PCOLCE2: variants seen among roughly 807,000 people sequenced by gnomAD.
PCOLCE2 encodes the protein procollagen C-proteinase enhancer 2.
In PCOLCE2, 42 loss-of-function variants were observed where a neutral mutation model predicts 47.0. The observed-to-expected ratio is 0.89, with a 90% CI of 0.70 to 1.16. The LOEUF (loss-of-function observed/expected upper bound fraction) is 1.16, where lower values mean the gene tolerates loss of function less well. Among genes scored for constraint, PCOLCE2 ranks in the 50% most tolerant of loss-of-function variants. PCOLCE2 has a pLI of 0.00. For synonymous variants in PCOLCE2, 169 were observed against 191.7 expected (o/e 0.88, Z 0.98); for missense variants, 500 against 526.1 (o/e 0.95, Z 0.49).
At position 142,888,764 on chromosome 3, in the gene PCOLCE2, G is replaced by C. The variant is rs563505143; in HGVS notation, c.83+50C>G. 1.2e-5 allele frequency: 13 copies of C among 1,128,682 alleles called. No individual in the cohort carries two copies. In the East Asian group the frequency reaches 3.3e-4, roughly 29 times the overall value. The allele number at this position is 1,128,682 out of a possible 1,614,324, so 69.9% of individuals were successfully genotyped here. The stretch of plus-strand genomic sequence containing the variant: ...TAAAGCAGCAGGCGAGGCTGCAGGG[G>C]TGGAGGAAGGGAAAGGAGAGAAAGG... On this transcript the variant is annotated intron_variant, in intron 1 of 8. Coordinates refer to ENST00000295992, the MANE Select transcript of PCOLCE2 (RefSeq NM_013363.4).
chr3:142,858,350 T>C (rs755575708), intron 2 of PCOLCE2, among the ~76,000 whole-genome samples: 8 of 152,200 alleles, frequency 5.3e-5, no homozygotes, highest in East Asian at 1.9e-4. Flanking sequence ...CAGGTGAAGA[T>C]GGAGATGGAA....
At chr3:142,875,136 GGC>G (rs1046869469) in intron 2 of PCOLCE2, among the ~76,000 whole-genome samples, 69 of 152,158 alleles carry the variant, frequency 4.5e-4, no homozygotes, top group African/African-American at 1.6e-3. Context: ...AAGCATATTG[GGC>G]ATCTCCTGGA....
intron 2 of PCOLCE2, among the ~76,000 whole-genome samples, chr3:142,882,796 TAAGAA>T (rs1026952658): frequency 6.6e-6 from 1 of 152,186 alleles, no homozygotes; most frequent in Non-Finnish European, 1.5e-5. Flanking sequence ...GTTTTAAATC[TAAGAA>T]CAGAATCAAT....
At chr3:142,833,932 A>C (rs1937177851) in intron 5 of PCOLCE2, among the ~76,000 whole-genome samples, 1 of 152,078 alleles carries the variant, frequency 6.6e-6, no homozygotes. Flanking sequence ...ATTCTCATCT[A>C]AGTTTCTCAT....
At chr3:142,885,591 C>T (rs560724285) in intron 2 of PCOLCE2, among the ~76,000 whole-genome samples, 2 of 152,306 alleles carry the variant, frequency 1.3e-5, no homozygotes, top group East Asian at 3.9e-4. Flanking sequence ...ATATCCTAAC[C>T]GCAGGCAGAG....
intron 2 of PCOLCE2, among the ~76,000 whole-genome samples, chr3:142,853,977 C>T (rs1230224532): frequency 3.3e-5 from 5 of 152,220 alleles, no homozygotes; most frequent in African/African-American, 7.2e-5. Flanking sequence ...CACAAGCAAA[C>T]GTGCCAAAGC....
Position 142,888,967 on chromosome 3 carries a change from G to C in PCOLCE2, c.-71C>G, listed in dbSNP as rs555637565. 2.1e-6 allele frequency: 1 copy of C among 483,114 alleles called. No homozygotes were observed. The highest frequency in any genetic ancestry group is 4.2e-5 in the South Asian group (1 of 23,738). The allele number at this position is 483,114 out of a possible 1,614,324, so 29.9% of individuals were successfully genotyped here. ...GCACACACGCCCCTCCGCACCCACC[G>C]CGCTCACACCGCCGCTCACACTGGC... On this transcript the variant is annotated 5_prime_UTR_variant, in exon 1 of 9. Transcript: ENST00000295992.
chr3:142,825,035 T>A (rs2108184866), intron 6 of PCOLCE2, among the ~76,000 whole-genome samples: 1 of 152,306 alleles, frequency 6.6e-6, no homozygotes, highest in African/African-American at 2.4e-5. Context: ...ATATAATAGC[T>A]TAAATATGCA....
chr3:142,855,439 G>A (rs138246060), intron 2 of PCOLCE2, among the ~76,000 whole-genome samples: 9 of 152,256 alleles, frequency 5.9e-5, no homozygotes, highest in African/African-American at 1.7e-4. Context: ...AGATCCTTAC[G>A]GGGAGGAAGA....
At chr3:142,830,311 G>A (rs1363902028) in intron 5 of PCOLCE2, among the ~76,000 whole-genome samples, 2 of 152,200 alleles carry the variant, frequency 1.3e-5, no homozygotes, top group South Asian at 2.1e-4. Context: ...AAGCTGGCCT[G>A]GGTTTGCCAT....
At chr3:142,857,930 A>G (rs1458989963) in intron 2 of PCOLCE2, among the ~76,000 whole-genome samples, 1 of 152,158 alleles carries the variant, frequency 6.6e-6, no homozygotes, top group Non-Finnish European at 1.5e-5. Flanking sequence ...CTTGGGTATC[A>G]TTCTGTCCAT....
chr3:142,875,401 T>C (rs186088662), intron 2 of PCOLCE2, among the ~76,000 whole-genome samples: 4 of 152,298 alleles, frequency 2.6e-5, no homozygotes, highest in Admixed American at 2.0e-4. Flanking sequence ...CTTTTACTTC[T>C]GGAAAACAGT....
At chr3:142,827,791 C>T (rs998351343) in intron 6 of PCOLCE2, 6 of 600,732 alleles carry the variant, frequency 1.0e-5, no homozygotes, top group Admixed American at 2.9e-5. Flanking sequence ...TACCCCTACG[C>T]ATGGCATATC....
intron 2 of PCOLCE2, among the ~76,000 whole-genome samples, chr3:142,866,014 G>C (rs1430014269): frequency 1.3e-5 from 2 of 152,166 alleles, no homozygotes; most frequent in Non-Finnish European, 2.9e-5. Context: ...TATAATCTTT[G>C]GCAAAGGTGT....
rs189784171 is a variant in PCOLCE2 at position 142,822,763 on chromosome 3, C to T, written c.949+769G>A. Among the ~76,000 whole-genome samples, 12 of 152,302 alleles carry T rather than the reference C, an allele frequency of 7.9e-5. No individual in the cohort carries two copies. In the East Asian group the frequency reaches 2.3e-3, roughly 29 times the overall value. On this transcript the variant is annotated intron_variant, in intron 7 of 8. Transcript: ENST00000295992. ...GTGTCTTCACACCTTCACTATGATA[C>T]AGCTCGTCTGGACTACAGAAGTCAC...
chr3:142,872,881 A>G (rs889351447), intron 2 of PCOLCE2, among the ~76,000 whole-genome samples: 1 of 152,202 alleles, frequency 6.6e-6, no homozygotes, highest in African/African-American at 2.4e-5. Flanking sequence ...TATATAAAGA[A>G]TTTCCCCAAA....
At chr3:142,872,418 T>A (rs1259714570) in intron 2 of PCOLCE2, among the ~76,000 whole-genome samples, 1 of 152,056 alleles carries the variant, frequency 6.6e-6, no homozygotes, top group African/African-American at 2.4e-5. Flanking sequence ...CTCAACAACC[T>A]CAGCTTCTAC....
chr3:142,838,362 T>C (rs1937227899), intron 5 of PCOLCE2, among the ~76,000 whole-genome samples: 1 of 152,122 alleles, frequency 6.6e-6, no homozygotes, highest in Non-Finnish European at 1.5e-5. Context: ...CGGTTTCTCA[T>C]GGTTTAAACA....
At chr3:142,853,342 G>A (rs1302912064) in intron 2 of PCOLCE2, among the ~76,000 whole-genome samples, 2 of 152,008 alleles carry the variant, frequency 1.3e-5, no homozygotes, top group African/African-American at 2.4e-5. Context: ...CCCCAAACCC[G>A]AAGGTGGGCT....
Sources: allele counts gnomAD v4.1 joint callset (sites outside exome capture counted in the v4.1 genomes callset), GRCh38; gene constraint gnomAD v4.1.1; transcripts MANE v1.5; gene names NCBI Gene and HGNC (gene_info 2026-07-23, HGNC 2026-07-21).